The following CDK15 variants were observed in gnomAD, a reference collection of about 807,000 sequenced individuals.
CDK15 encodes cyclin-dependent kinase 15.
A neutral mutation model predicts 60.3 loss-of-function variants in CDK15; 62 were observed. The ratio of observed to expected loss-of-function variants is 1.03; its 90% CI spans 0.84 to 1.27. The LOEUF (loss-of-function observed/expected upper bound fraction) is 1.27. Among genes scored for constraint, CDK15 ranks in the 50% most tolerant of loss-of-function variants. The pLI is 0.00. For synonymous variants in CDK15, 194 were observed against 195.7 expected, an observed-to-expected ratio of 0.99 and a Z score of 0.07; for missense variants, 541 against 527.8, an observed-to-expected ratio of 1.03 and a Z score of -0.25.
intron 6 of CDK15, among the ~76,000 whole-genome samples, chr2:201,824,197 CTTAA>C: frequency 6.6e-6 from 1 of 152,266 alleles, no homozygotes; most frequent in Non-Finnish European, 1.5e-5. Flanking sequence ...ATAATAAACT[CTTAA>C]TTAGCTATAA....
At chr2:201,845,233 A>G (rs1697599297) in intron 8 of CDK15, among the ~76,000 whole-genome samples, 1 of 152,208 alleles carries the variant, frequency 6.6e-6, no homozygotes, top group African/African-American at 2.4e-5. Flanking sequence ...TCAGTCTGAT[A>G]TCATTTTTTA....
At chr2:201,875,542 A>G (rs1699045217) in intron 11 of CDK15, among the ~76,000 whole-genome samples, 1 of 152,194 alleles carries the variant, frequency 6.6e-6, no homozygotes. Context: ...TACTACCTCC[A>G]TCCCAACAAT....
chr2:201,811,535 TA>T (rs1399894788), intron 3 of CDK15, among the ~76,000 whole-genome samples: 10 of 152,336 alleles, frequency 6.6e-5, no homozygotes, highest in African/African-American at 2.4e-4. Context: ...AAAAGGTTAC[TA>T]ACAATATGAT....
At chr2:201,829,738 C>T (rs767419281) in intron 6 of CDK15, among the ~76,000 whole-genome samples, 29 of 152,074 alleles carry the variant, frequency 1.9e-4, no homozygotes, top group African/African-American at 5.8e-4. Flanking sequence ...AGATCAAAGA[C>T]GGAACCCTAA....
intron 8 of CDK15, 112 bp downstream of exon 8, chr2:201,835,875 T>C (rs1316950516): frequency 2.6e-6 from 1 of 383,218 alleles, no homozygotes; most frequent in Non-Finnish European, 3.7e-6. Context: ...TATATTTTTA[T>C]ATATATTTAT....
intron 10 of CDK15, among the ~76,000 whole-genome samples, chr2:201,865,501 T>C (rs548852646): frequency 4.5e-4 from 68 of 152,240 alleles, no homozygotes; most frequent in Non-Finnish European, 7.6e-4. Context: ...GCTACAAATA[T>C]GAGTTGGAGG....
intron 10 of CDK15, among the ~76,000 whole-genome samples, chr2:201,866,127 T>G (rs1176467679): frequency 1.3e-5 from 2 of 151,804 alleles, no homozygotes; most frequent in African/African-American, 4.8e-5. Context: ...CTGCTTCAGA[T>G]AGCGAAATAA....
intron 10 of CDK15, among the ~76,000 whole-genome samples, chr2:201,866,049 T>C (rs993021655): frequency 9.6e-6 from 1 of 104,504 alleles, no homozygotes; most frequent in Non-Finnish European, 2.1e-5. Flanking sequence ...TGTGTGTGTT[T>C]GGGGTGAGGG....
In CDK15 at chr2:201,890,852, C is replaced by T. The variant is rs756526455; in HGVS notation, c.1266C>T (p.Tyr422=). Residue 422 remains tyrosine, a synonymous_variant, in exon 13 of 14, where the codon TAC becomes TAT. Transcript: ENST00000652192. ...AAATGTGTGACCTTTTGGCCTCCTACCAGAAAGGTCACCACCCAGCCCAGT... is the reference window on the plus strand; with the variant it reads ...AAATGTGTGACCTTTTGGCCTCCTATCAGAAAGGTCACCACCCAGCCCAGT... ...KPEMCDLLAS[Y]QKGHHPAQFS... is the part of the protein sequence containing the mutation. 1.2e-6 allele frequency: 2 copies of T among 1,613,588 alleles called. No homozygotes were observed. The highest frequency in any genetic ancestry group is 2.2e-5 in the East Asian group (1 of 44,864).
intron 3 of CDK15, among the ~76,000 whole-genome samples, chr2:201,809,198 G>A (rs951959701): frequency 5.3e-5 from 8 of 152,104 alleles, no homozygotes; most frequent in South Asian, 2.1e-4. Flanking sequence ...GCTCGGAACG[G>A]GGGCACCCTG....
At chr2:201,808,010 C>T in intron 3 of CDK15, 58 bp downstream of exon 3, 4 of 1,448,522 alleles carry the variant, frequency 2.8e-6, no homozygotes, top group Admixed American at 1.8e-5. Flanking sequence ...CCCCCAATTT[C>T]ATATTATAAA....
chr2:201,833,286 G>T (rs1172074553), intron 6 of CDK15, among the ~76,000 whole-genome samples: 1 of 150,642 alleles, frequency 6.6e-6, no homozygotes, highest in Non-Finnish European at 1.5e-5. Context: ...TTTCAACTTT[G>T]AATTTAAGAC....
intron 12 of CDK15, among the ~76,000 whole-genome samples, chr2:201,890,539 T>G (rs1373529687): frequency 6.6e-6 from 1 of 152,230 alleles, no homozygotes; most frequent in East Asian, 1.9e-4. Flanking sequence ...CTTCAACAAG[T>G]AGCATACTGC....
rs916826775 is a variant in CDK15 at position 201,875,754 on chromosome 2, T to C, written c.1058+3428T>C. The stretch of plus-strand genomic sequence containing the variant: ...TTTTGTAAAACAAAAACTATACCTG[T>C]CTAAAAGCAAAGGACTGAAGAAAAC... On this transcript the variant is annotated intron_variant, in intron 11 of 13. Coordinates refer to ENST00000652192, the MANE Select transcript of CDK15 (RefSeq NM_001366386.2). 3.9e-5 allele frequency among the ~76,000 whole-genome samples: 6 copies of C among 152,304 alleles called. No homozygotes were observed. The East Asian group carries it at 5.8e-4, about 15-fold the overall frequency.
At chr2:201,836,582 C>T (rs1697099992) in intron 8 of CDK15, among the ~76,000 whole-genome samples, 2 of 151,792 alleles carry the variant, frequency 1.3e-5, no homozygotes, top group African/African-American at 4.8e-5. Context: ...TGCACCACTG[C>T]ACCCTGGCAA....
At chr2:201,836,062 A>ATT (rs1559126151) in intron 8 of CDK15, among the ~76,000 whole-genome samples, 17 of 35,668 alleles carry the variant, frequency 4.8e-4, no homozygotes, top group East Asian at 2.3e-3. Flanking sequence ...TATATATTAT[A>ATT]TATATTTATA....
intron 12 of CDK15, chr2:201,889,198 T>C (rs563289969): frequency 1.0e-6 from 1 of 985,414 alleles, no homozygotes; most frequent in South Asian, 4.7e-5. Context: ...TTAAGGCATT[T>C]TATGCTTTTG....
rs1375424080 is a variant in CDK15, at chr2:201,807,449, T to G, written c.124-45T>G. The G allele has an allele frequency of 5.0e-6, 8 of 1,589,524 alleles. No individual in the cohort carries two copies. In the Admixed American group the frequency reaches 1.2e-4, roughly 25 times the overall value. On this transcript the variant is annotated intron_variant, in intron 1 of 13. Transcript: ENST00000652192. The stretch of plus-strand genomic sequence containing the variant: ...AAATGGTTTTACCAGGCACTGAATC[T>G]TTACTTTGCATAAATTTTATTTCTG...
At position 201,835,692 on chromosome 2, in the gene CDK15, C is replaced by T. The variant is rs750387415; in HGVS notation, c.780C>T (p.Val260=). The change falls in exon 8 of 14, where the codon GTC becomes GTT. Residue 260 remains valine (V), a synonymous_variant. Coordinates refer to ENST00000652192, the MANE Select transcript of CDK15 (RefSeq NM_001366386.2). ...SIPSQTYSSE[V]VTLWYRPPDA... ...CCAGCCAGACATACTCTTCAGAAGT[C>T]GTGACCCTCTGGTACCGGCCCCCTG... is the stretch of plus-strand genomic sequence containing the variant. 5.6e-6 allele frequency: 9 copies of T among 1,611,370 alleles called. No homozygotes were observed. Among genetic ancestry groups the T allele is most frequent in the African/African-American group, 2.7e-5 (2 of 74,756 alleles).
Sources: gnomAD v4.1 joint callset for allele counts (sites outside exome capture counted in the v4.1 genomes callset) on GRCh38, gnomAD v4.1.1 for gene constraint, MANE v1.5 for transcripts, NCBI Gene and HGNC (gene_info 2026-07-23, HGNC 2026-07-21) for gene names.